Variants in RNF130 observed in about 807,000 individuals in gnomAD.
RNF130 encodes E3 ubiquitin-protein ligase RNF130.
Under a neutral mutation model 44.6 loss-of-function variants are expected in RNF130, and 21 were observed. The ratio of observed to expected loss-of-function variants is 0.47; its 90% CI spans 0.33 to 0.68. The LOEUF (loss-of-function observed/expected upper bound fraction) is 0.68. Among genes scored for constraint, RNF130 ranks in the 30% least tolerant of loss-of-function variants. RNF130 has a pLI of 0.02. For synonymous variants in RNF130, 214 were observed against 210.4 expected, an observed-to-expected ratio of 1.02 and a Z score of -0.15; for missense variants, 479 against 560.6, an observed-to-expected ratio of 0.85 and a Z score of 1.47.
At chr5:179,925,529 T>C (rs1286853006) in intron 7 of RNF130, among the ~76,000 whole-genome samples, 1 of 151,958 alleles carries the variant, frequency 6.6e-6, no homozygotes, top group East Asian at 1.9e-4. Flanking sequence ...TTATTTATTT[T>C]ATTATTTTCT....
intron 7 of RNF130, among the ~76,000 whole-genome samples, chr5:179,941,004 T>C (rs191458548): frequency 1.0e-3 from 158 of 152,330 alleles, no homozygotes; most frequent in African/African-American, 3.6e-3. Flanking sequence ...ATTGAGTTCT[T>C]CCTTTCAATT....
At chr5:180,043,324 C>G (rs1163257976) in intron 1 of RNF130, among the ~76,000 whole-genome samples, 1 of 151,834 alleles carries the variant, frequency 6.6e-6, no homozygotes, top group Non-Finnish European at 1.5e-5. Flanking sequence ...GACTCTATCT[C>G]TAAAAAACAG....
At chr5:180,027,734 G>A (rs1764023503) in intron 2 of RNF130, among the ~76,000 whole-genome samples, 1 of 152,154 alleles carries the variant, frequency 6.6e-6, no homozygotes, top group Admixed American at 6.5e-5. Context: ...TGCCACCACT[G>A]GTTCCCTCCA....
At chr5:179,953,443 T>C (rs1762156374), downstream of RNF130, among the ~76,000 whole-genome samples, 1 of 152,038 alleles carries the variant, frequency 6.6e-6, no homozygotes, top group South Asian at 2.1e-4. Flanking sequence ...ATGAAACCAA[T>C]GGAAGAATTC....
At chr5:180,070,945 CA>C (rs1031785593) in intron 1 of RNF130, among the ~76,000 whole-genome samples, 27 of 151,518 alleles carry the variant, frequency 1.8e-4, no homozygotes, top group African/African-American at 6.3e-4. Flanking sequence ...GAACAAGAGC[CA>C]AAAGCAACAG....
At chr5:180,042,401 T>G (rs901140702) in intron 1 of RNF130, among the ~76,000 whole-genome samples, 19 of 152,216 alleles carry the variant, frequency 1.2e-4, no homozygotes, top group African/African-American at 4.3e-4. Flanking sequence ...CTTAAAAGGT[T>G]TCTGCACTCT....
Position 180,068,453 on chromosome 5 carries a change from C to T in RNF130, c.247+3003G>A, listed in dbSNP as rs533342941. 3.9e-5 allele frequency among the ~76,000 whole-genome samples: 6 copies of T among 152,346 alleles called. No homozygotes were observed. In the East Asian group the frequency reaches 1.2e-3, roughly 29 times the overall value. On this transcript the variant is annotated intron_variant, in intron 1 of 8. Coordinates refer to ENST00000521389, the MANE Select transcript of RNF130 (RefSeq NM_018434.6). ...GCAAATGATTCTACACCCACCAATG[C>T]ATTCGACTTAATGACAAAGACATAT...
At chr5:180,040,412 T>C (rs755768520) in intron 2 of RNF130, 41 bp downstream of exon 2, 9 of 1,576,362 alleles carry the variant, frequency 5.7e-6, no homozygotes, top group Admixed American at 1.7e-5. Context: ...CAATGATTTC[T>C]AAGAAGAAAA....
At chr5:179,970,558 A>G (rs762554911) in intron 5 of RNF130, 52 bp from the exon 6 acceptor site, 1 of 1,391,184 alleles carries the variant, frequency 7.2e-7, no homozygotes, top group East Asian at 2.3e-5. Flanking sequence ...GAAACTTATT[A>G]GGCCAAAATG....
In RNF130 at chr5:180,049,884, T is replaced by G. The variant is rs192393407; in HGVS notation, c.248-9237A>C. ...CATTTCCCCCTTTTCCTCATCTATATATTCAAGTTCTATTTTTTTAGTGCC... is the reference window on the plus strand; with the variant it reads ...CATTTCCCCCTTTTCCTCATCTATAGATTCAAGTTCTATTTTTTTAGTGCC... On this transcript the variant is annotated intron_variant, in intron 1 of 8. Coordinates refer to ENST00000521389, the MANE Select transcript of RNF130 (RefSeq NM_018434.6). Among the ~76,000 whole-genome samples the G allele has an allele frequency of 3.0e-3, 458 of 152,286 alleles. 4 individuals are homozygous for G. Among genetic ancestry groups the G allele is most frequent in the Middle Eastern group, 0.014 (4 of 294 alleles).
downstream of RNF130, among the ~76,000 whole-genome samples, chr5:179,951,900 G>A (rs924903062): frequency 6.6e-6 from 1 of 152,090 alleles, no homozygotes; most frequent in African/African-American, 2.4e-5. Context: ...TTACAAATGA[G>A]TGAAATAGGA....
chr5:179,949,162 G>A (rs1049982220), intron 7 of RNF130, among the ~76,000 whole-genome samples: 1 of 151,806 alleles, frequency 6.6e-6, no homozygotes, highest in East Asian at 1.9e-4. Flanking sequence ...ATGGGGTTTC[G>A]CCATGTTGGC....
intron 7 of RNF130, among the ~76,000 whole-genome samples, chr5:179,944,978 T>C (rs1039654058): frequency 3.3e-5 from 5 of 152,182 alleles, no homozygotes; most frequent in African/African-American, 1.2e-4. Context: ...TCTGCACCTG[T>C]TGAAAGTTAT....
At chr5:180,016,457 C>A (rs1030372978) in intron 2 of RNF130, among the ~76,000 whole-genome samples, 1 of 152,236 alleles carries the variant, frequency 6.6e-6, no homozygotes, top group Non-Finnish European at 1.5e-5. Flanking sequence ...ACATTTGGGA[C>A]ATGCCCCACC....
Position 179,967,006 on chromosome 5 carries a change from T to C in RNF130, c.950A>G (p.Asn317Ser). 1 of 1,611,090 alleles carries C rather than the reference T, an allele frequency of 6.2e-7. No homozygotes were observed. Among genetic ancestry groups the C allele is most frequent in the South Asian group, 1.1e-5 (1 of 90,240 alleles). ...TGCTACGTTATCAGTACATGGCAAA[T>C]TCGGCTGCAAAATATTTCCAGGTTA... is the stretch of plus-strand genomic sequence containing the variant. Reference protein sequence around the residue: ...NILKALGIVPNLPCTDNVAFD... With the variant: ...NILKALGIVPSLPCTDNVAFD... Residue 317 changes from asparagine to serine, a missense_variant, in exon 7 of 9, where the codon AAT (asparagine) becomes AGT (serine). By Grantham distance (46) the Asn-to-Ser change is conservative. This residue lies in a region of RNF130 where 161 missense variants were observed against 158.6 expected (regional missense o/e 1.02). Coordinates refer to ENST00000521389, the MANE Select transcript of RNF130 (RefSeq NM_018434.6).
chr5:180,069,739 C>T (rs1765202086), intron 1 of RNF130, among the ~76,000 whole-genome samples: 2 of 152,162 alleles, frequency 1.3e-5, no homozygotes, highest in Admixed American at 6.5e-5. Context: ...ACACAATGGA[C>T]GTAAAGCACA....
At chr5:180,020,857 A>G (rs1763853818) in intron 2 of RNF130, among the ~76,000 whole-genome samples, 1 of 152,160 alleles carries the variant, frequency 6.6e-6, no homozygotes, top group Admixed American at 6.5e-5. Flanking sequence ...CTCAGTGAAG[A>G]ATTTCCAGGG....
chr5:179,979,227 G>T (rs563099847), intron 4 of RNF130, among the ~76,000 whole-genome samples: 1 of 151,852 alleles, frequency 6.6e-6, no homozygotes, highest in East Asian at 1.9e-4. Context: ...AAGCCGTTTT[G>T]ATGCTGCTTC....
chr5:180,011,480 A>ATG (rs761465467), intron 3 of RNF130, among the ~76,000 whole-genome samples: 2 of 152,224 alleles, frequency 1.3e-5, no homozygotes, highest in Non-Finnish European at 2.9e-5. Flanking sequence ...AGGTATATAT[A>ATG]CAAAGGTTGA....
Sources: allele counts gnomAD v4.1 joint callset (sites outside exome capture counted in the v4.1 genomes callset), GRCh38; gene constraint gnomAD v4.1.1; regional missense constraint gnomAD v4.1.1; transcripts MANE v1.5; gene names NCBI Gene and HGNC (gene_info 2026-07-23, HGNC 2026-07-21).